The following TTC28 variants were observed in gnomAD, a reference collection of about 807,000 sequenced individuals.
TTC28 encodes the protein tetratricopeptide repeat domain 28, also known as tetratricopeptide repeat protein 28.
In TTC28, 61 loss-of-function variants were observed where a neutral mutation model predicts 198.0. The observed-to-expected ratio is 0.31, with a 90% confidence interval of 0.25 to 0.38. The LOEUF is 0.38. Among genes scored for constraint, TTC28 ranks in the 10% least tolerant of loss-of-function variants. TTC28 has a pLI of 1.00. For missense variants in TTC28, 2,678 were observed against 3,164.0 expected, an observed-to-expected ratio of 0.85 and a Z score of 3.69; for synonymous variants, 1,171 against 1,297.8, an observed-to-expected ratio of 0.90 and a Z score of 2.10.
chr22:28,004,874 G>T (rs1296514732), intron 14 of TTC28, among the ~76,000 whole-genome samples: 3 of 152,196 alleles, frequency 2.0e-5, no homozygotes, highest in Non-Finnish European at 4.4e-5. Context: ...TCATCAGTCA[G>T]ACTACAAAGG....
At position 28,105,650 on chromosome 22, in the gene TTC28, C is replaced by T. The variant is rs901520365; in HGVS notation, c.2936G>A (p.Cys979Tyr). ...AGCAATGTTCAGCTGGCGTTCAAGG[C>T]AGGAAATGGCTTGTTCGTAATTCCC... ...QLGNYEQAIS[C>Y]LERQLNIARD... Residue 979 changes from cysteine to tyrosine, a missense_variant, in exon 8 of 23, where the codon TGC (cysteine) becomes TAC (tyrosine). Physicochemically the swap from Cys to Tyr is radical, Grantham distance 194. Transcript: ENST00000397906. The T allele has an allele frequency of 5.8e-6, 9 of 1,552,118 alleles. No homozygotes were observed. The Admixed American group carries it at 5.9e-5, about 10-fold the overall frequency.
intron 5 of TTC28, among the ~76,000 whole-genome samples, chr22:28,166,080 G>C (rs1921902745): frequency 6.6e-6 from 1 of 152,304 alleles, no homozygotes; most frequent in South Asian, 2.1e-4. Flanking sequence ...AAGAGACAAA[G>C]AAGGCCACTA....
At position 28,436,145 on chromosome 22, in the gene TTC28, C is replaced by A. The variant is rs567973025; in HGVS notation, c.382-129502G>T. 2.8e-4 allele frequency among the ~76,000 whole-genome samples: 43 copies of A among 152,256 alleles called. No individual in the cohort carries two copies. In the South Asian group the frequency reaches 7.3e-3, roughly 26 times the overall value. On this transcript the variant is annotated intron_variant, in intron 2 of 22. Coordinates refer to ENST00000397906, the MANE Select transcript of TTC28 (RefSeq NM_001145418.2). ...ACCCTCGTTACTAATGAATAAGTCACCCTCACTTATATTCAATATTGCATT... is the reference window on the plus strand; with the variant it reads ...ACCCTCGTTACTAATGAATAAGTCAACCTCACTTATATTCAATATTGCATT...
At chr22:28,014,469 C>A in intron 13 of TTC28, 77 bp from the exon 14 acceptor site, 1 of 1,448,490 alleles carries the variant, frequency 6.9e-7, no homozygotes, top group Non-Finnish European at 9.2e-7. Flanking sequence ...CCAAGCCATG[C>A]CCCTGTATGG....
chr22:28,508,101 A>G (rs556694458), intron 2 of TTC28, among the ~76,000 whole-genome samples: 1 of 152,212 alleles, frequency 6.6e-6, no homozygotes, highest in Admixed American at 6.5e-5. Flanking sequence ...CAATTAAAAG[A>G]CACAGATGGA....
At chr22:28,397,332 C>A (rs1050129875) in intron 2 of TTC28, among the ~76,000 whole-genome samples, 68 of 152,210 alleles carry the variant, frequency 4.5e-4, no homozygotes, top group African/African-American at 1.5e-3. Context: ...GCAGTTCTTA[C>A]TGTCCTCACT....
chr22:28,646,502 T>A (rs1215484504), intron 1 of TTC28, among the ~76,000 whole-genome samples: 1 of 152,162 alleles, frequency 6.6e-6, no homozygotes, highest in Non-Finnish European at 1.5e-5. Context: ...GCAGATTCAG[T>A]GCAATTTCTA....
At chr22:28,390,526 C>G (rs577115266) in intron 2 of TTC28, among the ~76,000 whole-genome samples, 79 of 152,172 alleles carry the variant, frequency 5.2e-4, no homozygotes, top group Non-Finnish European at 1.0e-3. Context: ...TCTGGGTGCT[C>G]CTGTATTGGG....
chr22:28,467,314 T>C (rs891628186), intron 2 of TTC28, among the ~76,000 whole-genome samples: 24 of 152,212 alleles, frequency 1.6e-4, no homozygotes, highest in Admixed American at 1.4e-3. Context: ...GTCCCAGCTA[T>C]TCAGGAGGCT....
At chr22:28,065,592 G>C (rs1191280587) in intron 12 of TTC28, among the ~76,000 whole-genome samples, 1 of 152,206 alleles carries the variant, frequency 6.6e-6, no homozygotes, top group Non-Finnish European at 1.5e-5. Flanking sequence ...GAGCTCCTTT[G>C]ACAGCTCTGC....
At chr22:28,283,106 T>C (rs1465817663) in intron 5 of TTC28, among the ~76,000 whole-genome samples, 3 of 152,112 alleles carry the variant, frequency 2.0e-5, no homozygotes, top group African/African-American at 7.2e-5. Context: ...AGTCCTACAC[T>C]CTTCAGTGAT....
intron 5 of TTC28, among the ~76,000 whole-genome samples, chr22:28,189,691 C>T (rs138816223): frequency 3.3e-5 from 5 of 152,164 alleles, no homozygotes; most frequent in East Asian, 3.9e-4. Context: ...AAAAGACAAT[C>T]GATAAAATAC....
chr22:27,994,816 G>T (rs1937522906), intron 17 of TTC28, among the ~76,000 whole-genome samples: 1 of 152,224 alleles, frequency 6.6e-6, no homozygotes, highest in Admixed American at 6.5e-5. Context: ...AGAGAAGGCA[G>T]TTCCATTTCC....
chr22:28,133,909 C>T (rs1235603179), intron 6 of TTC28, among the ~76,000 whole-genome samples: 1 of 152,224 alleles, frequency 6.6e-6, no homozygotes, highest in Admixed American at 6.5e-5. Flanking sequence ...GACAGACTGC[C>T]TCCTGAAGTG....
intron 2 of TTC28, among the ~76,000 whole-genome samples, chr22:28,566,123 T>C (rs2049965354): frequency 1.3e-5 from 2 of 152,178 alleles, no homozygotes; most frequent in African/African-American, 4.8e-5. Flanking sequence ...ATGGCCTCCA[T>C]ATATAGAGAG....
Position 27,983,245 on chromosome 22 carries a change from G to A in TTC28, c.6422C>T (p.Thr2141Ile), listed in dbSNP as rs1017533640. The change falls in exon 23 of 23, where the codon ACA becomes ATA. Residue 2141 changes from threonine to isoleucine, a missense_variant. Coordinates refer to ENST00000397906, the MANE Select transcript of TTC28 (RefSeq NM_001145418.2). ...GGATTTCACGGTACTGTCCGTTTCTGTGCTAGACTGGTCTGATTCTCCTGT... is the reference window on the plus strand; with the variant it reads ...GGATTTCACGGTACTGTCCGTTTCTATGCTAGACTGGTCTGATTCTCCTGT... ...SDTGESDQSSTETDSTVKSQE... is the reference protein window; with the variant it reads ...SDTGESDQSSIETDSTVKSQE... 15 of 1,551,788 alleles carry A rather than the reference G, an allele frequency of 9.7e-6. No individual in the cohort carries two copies. Among genetic ancestry groups the A allele is most frequent in the South Asian group, 1.2e-5 (1 of 84,056 alleles).
chr22:28,175,850 C>A (rs1357761001), intron 5 of TTC28, among the ~76,000 whole-genome samples: 7 of 152,056 alleles, frequency 4.6e-5, no homozygotes, highest in Non-Finnish European at 1.0e-4. Flanking sequence ...CAGGGAAATG[C>A]AAATCAAAAC....
At chr22:28,475,869 G>C (rs765691649) in intron 2 of TTC28, among the ~76,000 whole-genome samples, 4 of 152,096 alleles carry the variant, frequency 2.6e-5, no homozygotes, top group African/African-American at 9.7e-5. Flanking sequence ...ATCCACTCTC[G>C]TAAAATACAG....
intron 5 of TTC28, among the ~76,000 whole-genome samples, chr22:28,214,986 C>T (rs1927266778): frequency 6.6e-6 from 1 of 152,172 alleles, no homozygotes; most frequent in Non-Finnish European, 1.5e-5. Flanking sequence ...TTCGTAGGGA[C>T]ATGCATGAAG....
Sources: gnomAD v4.1 joint callset for allele counts (sites outside exome capture counted in the v4.1 genomes callset) on GRCh38, gnomAD v4.1.1 for gene constraint, MANE v1.5 for transcripts, NCBI Gene and HGNC (gene_info 2026-07-23, HGNC 2026-07-21) for gene names.